Variants in ZC3H3 observed in about 807,000 individuals in gnomAD.
ZC3H3 encodes zinc finger CCCH domain-containing protein 3.
In ZC3H3, 36 loss-of-function variants were observed where a neutral mutation model predicts 77.3. That is an observed-to-expected ratio of 0.47 (90% CI 0.36 to 0.61). The LOEUF (loss-of-function observed/expected upper bound fraction) is 0.61. Among genes scored for constraint, ZC3H3 ranks in the 20% least tolerant of loss-of-function variants. The pLI, the probability that ZC3H3 is intolerant of heterozygous loss-of-function variation, is 0.00. For missense variants in ZC3H3, 1,331 were observed against 1,312.2 expected, an observed-to-expected ratio of 1.01 and a Z score of -0.22; for synonymous variants, 626 against 555.2, an observed-to-expected ratio of 1.13 and a Z score of -1.79.
At chr8:143,505,042 G>C (rs1821645903) in intron 4 of ZC3H3, among the ~76,000 whole-genome samples, 1 of 152,274 alleles carries the variant, frequency 6.6e-6, no homozygotes, top group East Asian at 1.9e-4. Context: ...TCCCACACCG[G>C]CGCTGTCCCT....
Position 143,533,168 on chromosome 8 carries a change from G to A in ZC3H3, c.1561+3089C>T, listed in dbSNP as rs1335166575. On this transcript the variant is annotated intron_variant, in intron 3 of 11. Coordinates refer to ENST00000262577, the MANE Select transcript of ZC3H3 (RefSeq NM_015117.3). The surrounding 1 kb of genome is among the most constrained non-coding windows in gnomAD (Gnocchi z 4.0). ...CCCCGTTCCCTCCTGTGGCCTACAA[G>A]ACCCTTTCCCAGGACCTGGTCCCTC... 6.6e-6 allele frequency among the ~76,000 whole-genome samples: 1 copy of A among 152,062 alleles called. No individual in the cohort carries two copies. Among genetic ancestry groups the A allele is most frequent in the Admixed American group, 6.5e-5 (1 of 15,268 alleles).
At chr8:143,537,443 T>C (rs913807625) in intron 2 of ZC3H3, among the ~76,000 whole-genome samples, 5 of 152,116 alleles carry the variant, frequency 3.3e-5, no homozygotes, top group African/African-American at 1.2e-4. Flanking sequence ...GGAGCAGCCC[T>C]CAGCCTGAGG....
chr8:143,516,145 C>A (rs1822033168), intron 3 of ZC3H3, among the ~76,000 whole-genome samples: 1 of 152,256 alleles, frequency 6.6e-6, no homozygotes, highest in African/African-American at 2.4e-5. Flanking sequence ...GTGCCCCGCC[C>A]CTACGCTGGC....
intron 9 of ZC3H3, among the ~76,000 whole-genome samples, chr8:143,442,427 G>A (rs1354840902): frequency 3.5e-5 from 1 of 28,752 alleles, no homozygotes; most frequent in Non-Finnish European, 7.5e-5. Flanking sequence ...CGGGGGCAAG[G>A]CCTCCGGGGG....
intron 2 of ZC3H3, 96 bp downstream of exon 2, chr8:143,537,907 C>T: frequency 8.0e-7 from 1 of 1,242,992 alleles, no homozygotes; most frequent in African/African-American, 1.5e-5. Flanking sequence ...AACGCAACTG[C>T]AGGCAAAGCT....
chr8:143,516,263 T>C (rs1172202871), intron 3 of ZC3H3, among the ~76,000 whole-genome samples: 1 of 152,170 alleles, frequency 6.6e-6, no homozygotes, highest in Non-Finnish European at 1.5e-5. Context: ...ACTTTTCTTG[T>C]ATGTGATGGC....
intron 3 of ZC3H3, among the ~76,000 whole-genome samples, chr8:143,511,237 G>A (rs1399099958): frequency 2.0e-5 from 3 of 152,126 alleles, no homozygotes; most frequent in South Asian, 2.1e-4. Flanking sequence ...GGCTGGGCCC[G>A]GCCATCAGGG....
At chr8:143,541,330 G>C in intron 1 of ZC3H3, 46 bp downstream of exon 1, 1 of 1,603,502 alleles carries the variant, frequency 6.2e-7, no homozygotes, top group African/African-American at 1.4e-5. Flanking sequence ...GCCGCGAGGT[G>C]AGGGGGAAAG....
chr8:143,482,428 A>G (rs1820931591), intron 4 of ZC3H3, among the ~76,000 whole-genome samples: 1 of 152,152 alleles, frequency 6.6e-6, no homozygotes, highest in Non-Finnish European at 1.5e-5. Context: ...GAACACACCC[A>G]AGTGTGTGCC....
At chr8:143,509,815 T>C (rs1821817681) in intron 3 of ZC3H3, among the ~76,000 whole-genome samples, 1 of 152,170 alleles carries the variant, frequency 6.6e-6, no homozygotes, top group Admixed American at 6.5e-5. Flanking sequence ...CCCCAAATTC[T>C]AAGTACAGGA....
Position 143,541,368 on chromosome 8 carries a change from G to A in ZC3H3, c.46+8C>T, listed in dbSNP as rs759823546. ...GGGGACTCGCGTCCCGGCCCCGGCC[G>A]GACCTACCCTGCAGTAGGCGGATCT... On this transcript the variant is annotated splice_region_variant and intron_variant, in intron 1 of 11. Coordinates refer to ENST00000262577, the MANE Select transcript of ZC3H3 (RefSeq NM_015117.3). 1.2e-5 allele frequency: 20 copies of A among 1,608,854 alleles called. No homozygotes were observed. Among genetic ancestry groups the A allele is most frequent in the Non-Finnish European group, 1.7e-5 (20 of 1,178,338 alleles).
rs1029413085 is a variant in ZC3H3, at chr8:143,442,789, CAT to C, written c.2308-1671_2308-1670del. On this transcript the variant is annotated intron_variant, in intron 9 of 11. Coordinates refer to ENST00000262577, the MANE Select transcript of ZC3H3 (RefSeq NM_015117.3). ...ATGCACATTTCTTTTTCCTTGATGA[CAT>C]GTTGAAATTTTTGATAGGATGGGTT... Among the ~76,000 whole-genome samples the C allele has an allele frequency of 4.5e-4, 68 of 152,328 alleles. 2 individuals carry two copies. Among genetic ancestry groups the C allele is most frequent in the Non-Finnish European group, 5.4e-4 (37 of 68,034 alleles).
chr8:143,541,009 C>T (rs756354585), intron 1 of ZC3H3, among the ~76,000 whole-genome samples: 45 of 152,222 alleles, frequency 3.0e-4, no homozygotes, highest in Non-Finnish European at 5.0e-4. Context: ...GCCTGCTCTG[C>T]CGAAATGAGC....
chr8:143,472,623 C>T (rs1226609674), intron 5 of ZC3H3, among the ~76,000 whole-genome samples: 2 of 152,214 alleles, frequency 1.3e-5, no homozygotes, highest in Non-Finnish European at 2.9e-5. Flanking sequence ...ACAGGCGTCT[C>T]TGTGGACACT....
At chr8:143,485,590 G>A (rs1448674014) in intron 4 of ZC3H3, among the ~76,000 whole-genome samples, 1 of 152,204 alleles carries the variant, frequency 6.6e-6, no homozygotes, top group Non-Finnish European at 1.5e-5. Flanking sequence ...AAATAGCCAA[G>A]CTTCTAGAAG....
chr8:143,529,609 C>G (rs537912004), intron 3 of ZC3H3, among the ~76,000 whole-genome samples: 2 of 152,142 alleles, frequency 1.3e-5, no homozygotes, highest in African/African-American at 4.8e-5. Context: ...CGGGGGGAGA[C>G]CCCACACAGG....
chr8:143,475,253 C>G, intron 5 of ZC3H3, 145 bp downstream of exon 5: 1 of 1,013,314 alleles, frequency 9.9e-7, no homozygotes, highest in East Asian at 2.7e-5. Context: ...AGCATGAGGC[C>G]CCTGACCTCC....
At chr8:143,475,274 A>G (rs1820699852) in intron 5 of ZC3H3, 124 bp downstream of exon 5, 1 of 1,214,756 alleles carries the variant, frequency 8.2e-7, no homozygotes, top group South Asian at 1.6e-5. Context: ...TCCCCAAGAC[A>G]GGGGCGTGAG....
At chr8:143,512,593 C>T (rs1821905050) in intron 3 of ZC3H3, among the ~76,000 whole-genome samples, 1 of 152,174 alleles carries the variant, frequency 6.6e-6, no homozygotes, top group South Asian at 2.1e-4. Context: ...GCAAGCAGGA[C>T]ACGGCCTAAA....
Sources: allele counts gnomAD v4.1 joint callset (sites outside exome capture counted in the v4.1 genomes callset), GRCh38; gene constraint gnomAD v4.1.1; non-coding constraint Gnocchi (gnomAD v3.1); transcripts MANE v1.5; gene names NCBI Gene and HGNC (gene_info 2026-07-23, HGNC 2026-07-21).